Variants in CEP63 observed in about 807,000 individuals in gnomAD.
CEP63 encodes the protein centrosomal protein 63.
A neutral mutation model predicts 89.1 loss-of-function variants in CEP63; 84 were observed. The observed-to-expected ratio is 0.94, with a 90% CI of 0.79 to 1.13. CEP63 has a LOEUF of 1.13. Ranked by LOEUF, CEP63 falls within the 50% of genes most tolerant of loss-of-function variation. CEP63 has a pLI of 0.00. For missense variants in CEP63, 838 were observed against 813.3 expected (o/e 1.03, Z -0.37); for synonymous variants, 267 against 272.5 (o/e 0.98, Z 0.20).
chr3:134,605,035 C>T, the CEP63 span, among the ~76,000 whole-genome samples: 1 of 152,092 alleles, frequency 6.6e-6, no homozygotes, highest in Non-Finnish European at 1.5e-5. Context: ...ATGCTTCTCA[C>T]ATAGGTGTAT....
chr3:134,671,188 C>T, the CEP63 span, among the ~76,000 whole-genome samples: 1 of 152,206 alleles, frequency 6.6e-6, no homozygotes, highest in African/African-American at 2.4e-5. Flanking sequence ...TTTGCAGCAA[C>T]ATGGATGCAG....
rs115850570 is a variant in CEP63, at chr3:134,519,430, G to A, written c.222+12144G>A. On this transcript the variant is annotated intron_variant, in intron 3 of 14. Transcript: ENST00000675561. ...ATTACAGGCGTGAGCCACCACGCCC[G>A]GCTGAATTGAATTTGTTATTGAAAA... Among the ~76,000 whole-genome samples, 870 of 152,150 alleles carry A rather than the reference G, an allele frequency of 5.7e-3. 10 individuals are homozygous for A. The highest frequency in any genetic ancestry group is 0.02 in the African/African-American group (825 of 41,508).
the CEP63 span, among the ~76,000 whole-genome samples, chr3:134,780,841 G>A: frequency 1.3e-5 from 2 of 152,222 alleles, no homozygotes; most frequent in Admixed American, 6.5e-5. Context: ...TCCTGTTTAT[G>A]ACATTCTCCT....
At chr3:134,723,955 C>T in the CEP63 span, among the ~76,000 whole-genome samples, 221 of 152,322 alleles carry the variant, frequency 1.5e-3, 1 homozygote, top group African/African-American at 5.2e-3. Context: ...CAGCAGAGTG[C>T]TCACACAGGG....
intron 10 of CEP63, among the ~76,000 whole-genome samples, chr3:134,583,536 T>G (rs1030306799): frequency 7.9e-5 from 12 of 152,202 alleles, no homozygotes; most frequent in Non-Finnish European, 2.9e-5. Flanking sequence ...TCCATTGGTC[T>G]ATATATCTGT....
At chr3:134,774,825 C>G in the CEP63 span, among the ~76,000 whole-genome samples, 2 of 152,206 alleles carry the variant, frequency 1.3e-5, no homozygotes, top group Non-Finnish European at 2.9e-5. Flanking sequence ...ATTACCTCCC[C>G]TCTTCAGTCT....
the CEP63 span, chr3:134,607,907 G>C: frequency 1.0e-6 from 1 of 991,778 alleles, no homozygotes; most frequent in Non-Finnish European, 1.2e-6. Context: ...CTCATCCAGG[G>C]GTGCCTGAGT....
At chr3:134,650,815 C>A in the CEP63 span, 7 of 1,567,728 alleles carry the variant, frequency 4.5e-6, no homozygotes, top group East Asian at 2.4e-5. Context: ...CCGGGTCGGG[C>A]GCGCGTTACC....
the CEP63 span, among the ~76,000 whole-genome samples, chr3:134,596,688 A>G: frequency 1.3e-5 from 2 of 152,224 alleles, no homozygotes; most frequent in Non-Finnish European, 2.9e-5. Context: ...ACACTTGCCA[A>G]GCGTTTACCA....
chr3:134,740,115 C>G, the CEP63 span, among the ~76,000 whole-genome samples: 3 of 152,078 alleles, frequency 2.0e-5, no homozygotes, highest in African/African-American at 4.8e-5. Context: ...CCAAGTTACT[C>G]CCTGGGGGTC....
the CEP63 span, among the ~76,000 whole-genome samples, chr3:134,743,687 T>A: frequency 2.0e-5 from 3 of 152,132 alleles, no homozygotes; most frequent in African/African-American, 7.2e-5. Flanking sequence ...AGACCAGTCA[T>A]CTTCACCTAC....
At chr3:134,689,771 G>A in the CEP63 span, among the ~76,000 whole-genome samples, 1 of 152,078 alleles carries the variant, frequency 6.6e-6, no homozygotes. Context: ...ATTTTTTAAT[G>A]AACCTGTACT....
chr3:134,634,851 C>T, the CEP63 span, among the ~76,000 whole-genome samples: 1 of 152,260 alleles, frequency 6.6e-6, no homozygotes, highest in African/African-American at 2.4e-5. Context: ...TGGAACCAAT[C>T]CCCCATGTAT....
chr3:134,587,835 A>G (rs1360451372), downstream of CEP63, among the ~76,000 whole-genome samples: 3 of 149,854 alleles, frequency 2.0e-5, no homozygotes, highest in East Asian at 3.9e-4. Flanking sequence ...GGACCCCCCT[A>G]TAAAAAAAAA....
the CEP63 span, among the ~76,000 whole-genome samples, chr3:134,681,804 C>T: frequency 6.6e-6 from 1 of 152,174 alleles, no homozygotes; most frequent in South Asian, 2.1e-4. Context: ...TGATCTCATG[C>T]GGTCCTCACA....
the CEP63 span, among the ~76,000 whole-genome samples, chr3:134,751,491 G>A: frequency 7.9e-5 from 12 of 152,130 alleles, no homozygotes; most frequent in African/African-American, 2.7e-4. Context: ...ACTTCCCAGG[G>A]CACTATGACT....
At chr3:134,727,693 A>C in the CEP63 span, among the ~76,000 whole-genome samples, 1 of 152,210 alleles carries the variant, frequency 6.6e-6, no homozygotes, top group Non-Finnish European at 1.5e-5. Context: ...AATTCCTTGG[A>C]TATTTATGGG....
At chr3:134,578,593 G>A (rs1958273712), downstream of CEP63, among the ~76,000 whole-genome samples, 1 of 152,128 alleles carries the variant, frequency 6.6e-6, no homozygotes, top group Non-Finnish European at 1.5e-5. Flanking sequence ...GCCTCCCAAA[G>A]TACTGGGGTT....
chr3:134,753,842 C>T, the CEP63 span, among the ~76,000 whole-genome samples: 1 of 152,172 alleles, frequency 6.6e-6, no homozygotes, highest in South Asian at 2.1e-4. Flanking sequence ...CATCCACACT[C>T]CTGACCGTTT....
Sources: allele counts gnomAD v4.1 joint callset (sites outside exome capture counted in the v4.1 genomes callset), GRCh38; gene constraint gnomAD v4.1.1; transcripts MANE v1.5; gene names NCBI Gene and HGNC (gene_info 2026-07-23, HGNC 2026-07-21).